FOXP2: variants seen among roughly 807,000 people sequenced by gnomAD.
FOXP2 encodes forkhead box P2, also known as forkhead box protein P2.
A neutral mutation model predicts 115.8 loss-of-function variants in FOXP2; 12 were observed. The ratio of observed to expected loss-of-function variants is 0.10; its 90% confidence interval spans 0.07 to 0.17. The LOEUF (loss-of-function observed/expected upper bound fraction) is 0.17, where lower values mean the gene tolerates loss of function less well. FOXP2 is among the 10% of genes least tolerant of loss of function. FOXP2 has a pLI of 1.00. For missense variants in FOXP2, 629 were observed against 843.5 expected (o/e 0.75, Z 3.15); for synonymous variants, 328 against 297.7 (o/e 1.10, Z -1.05).
chr7:114,315,560 T>C (rs904161483), intron 2 of FOXP2, among the ~76,000 whole-genome samples: 1 of 152,106 alleles, frequency 6.6e-6, no homozygotes, highest in Non-Finnish European at 1.5e-5. Flanking sequence ...TAAGTTTTTT[T>C]AGTTTTATTT....
chr7:114,405,936 C>T (rs1793026289), intron 2 of FOXP2, among the ~76,000 whole-genome samples: 1 of 151,666 alleles, frequency 6.6e-6, no homozygotes, highest in Non-Finnish European at 1.5e-5. Flanking sequence ...TTTGATAATG[C>T]TGACTTTTTT....
At position 114,597,505 on chromosome 7, in the gene FOXP2, A is replaced by G. The variant is rs1005151557; in HGVS notation, c.259-31035A>G. Among the ~76,000 whole-genome samples, 10 of 152,108 alleles carry G rather than the reference A, an allele frequency of 6.6e-5. 1 individual carries two copies. Among genetic ancestry groups the G allele is most frequent in the African/African-American group, 1.9e-4 (8 of 41,452 alleles). On this transcript the variant is annotated intron_variant, in intron 3 of 16. Transcript: ENST00000350908. The stretch of plus-strand genomic sequence containing the variant: ...ATTACAAACAGATAATCTTATGCAA[A>G]AGGATATGACATTCAGGCATCACCA...
At chr7:114,175,297 A>T (rs1793259653) in intron 1 of FOXP2, among the ~76,000 whole-genome samples, 1 of 152,114 alleles carries the variant, frequency 6.6e-6, no homozygotes, top group Non-Finnish European at 1.5e-5. Context: ...GGGACCAGGG[A>T]CTAAGTATTT....
chr7:114,377,084 T>C lies in FOXP2; in HGVS notation c.-10-49418T>C, dbSNP rs149699783. 3.0e-3 allele frequency among the ~76,000 whole-genome samples: 452 copies of C among 152,182 alleles called. 2 individuals are homozygous for C. The highest frequency in any genetic ancestry group is 0.01 in the African/African-American group (426 of 41,528). On this transcript the variant is annotated intron_variant, in intron 2 of 17. Transcript: ENST00000634411. ...CTATTGGTAATATTATTAAATAATA[T>C]TATTATTAATGGAGGAAGGAAAACC...
intron 3 of FOXP2, among the ~76,000 whole-genome samples, chr7:114,586,416 T>C (rs557145466): frequency 3.1e-4 from 47 of 152,078 alleles, no homozygotes; most frequent in Non-Finnish European, 6.3e-4. Context: ...TTTAGTAATT[T>C]TACTCTTCTA....
At position 114,399,754 on chromosome 7, in the gene FOXP2, C is replaced by T. The variant is rs560116141; in HGVS notation, c.-10-26748C>T. On this transcript the variant is annotated intron_variant, in intron 2 of 17. Coordinates refer to the FOXP2 transcript ENST00000634411. ...AAATAAATAATACTGTGTGTTAAAG[C>T]TAGTAAGGGGTATTGGGACAAAAAA... 9.9e-5 allele frequency among the ~76,000 whole-genome samples: 15 copies of T among 151,310 alleles called. No individual in the cohort carries two copies. The East Asian group carries it at 2.7e-3, about 27-fold the overall frequency.
In FOXP2 at chr7:114,658,221, C is replaced by A; in HGVS notation, c.1422C>A (p.Ala474=). 2 of 1,613,800 alleles carry A rather than the reference C, an allele frequency of 1.2e-6. No homozygotes were observed. The highest frequency in any genetic ancestry group is 8.5e-7 in the Non-Finnish European group (1 of 1,179,838). ...ITPASVPNVG[A]IRRRHSDKYN... is the part of the protein sequence containing the mutation. Reference sequence around the variant, plus strand: ...CAGCCAGTGTGCCCAATGTGGGAGCCATACGAAGGCGACATTCAGACAAAT... The same window carrying A: ...CAGCCAGTGTGCCCAATGTGGGAGCAATACGAAGGCGACATTCAGACAAAT... The change falls in exon 11 of 17, where the codon GCC becomes GCA. Residue 474 remains alanine, a synonymous_variant. Coordinates refer to ENST00000350908, the MANE Select transcript of FOXP2 (RefSeq NM_014491.4).
At chr7:114,534,733 G>T in intron 3 of FOXP2, 27 bp downstream of exon 3, 1 of 1,572,686 alleles carries the variant, frequency 6.4e-7, no homozygotes, top group Non-Finnish European at 8.7e-7. Flanking sequence ...TGTCCTTGGG[G>T]TCTTATTTTA....
chr7:114,087,525 C>T (rs1799444285), upstream of FOXP2, among the ~76,000 whole-genome samples: 1 of 151,828 alleles, frequency 6.6e-6, no homozygotes, highest in Admixed American at 6.6e-5. Context: ...GGGCTTCTCA[C>T]TTGGCTGTTA....
intron 2 of FOXP2, among the ~76,000 whole-genome samples, chr7:114,290,456 C>T (rs1405826460): frequency 1.3e-5 from 2 of 151,940 alleles, no homozygotes; most frequent in Admixed American, 6.6e-5. Flanking sequence ...TTAGTTAATT[C>T]AGTAGAAATA....
chr7:114,518,605 C>T (rs1312878136), intron 2 of FOXP2, among the ~76,000 whole-genome samples: 5 of 151,936 alleles, frequency 3.3e-5, no homozygotes, highest in Non-Finnish European at 5.9e-5. Context: ...CAGGTTCAAG[C>T]GATTCTCCTG....
intron 2 of FOXP2, among the ~76,000 whole-genome samples, chr7:114,405,432 A>T (rs995911734): frequency 6.6e-6 from 1 of 151,884 alleles, no homozygotes. Flanking sequence ...GTTCATGTAT[A>T]TTGGACCTGA....
rs143185211 is a variant in FOXP2, at chr7:114,497,762, G to A, written c.169-36855G>A. On this transcript the variant is annotated intron_variant, in intron 2 of 16. Transcript: ENST00000350908. ...CCAAGAGGTATTCATATATTTTACT[G>A]AAGACCACATGCTTTAAAGTATATT... 1.3e-3 allele frequency among the ~76,000 whole-genome samples: 193 copies of A among 152,100 alleles called. 1 individual carries two copies. Among genetic ancestry groups the A allele is most frequent in the African/African-American group, 4.4e-3 (184 of 41,540 alleles).
intron 1 of FOXP2, among the ~76,000 whole-genome samples, chr7:114,220,801 G>A (rs1042287889): frequency 6.6e-6 from 1 of 152,108 alleles, no homozygotes; most frequent in African/African-American, 2.4e-5. Flanking sequence ...GTGTATTAAT[G>A]TTCTTTACAT....
intron 3 of FOXP2, among the ~76,000 whole-genome samples, chr7:114,577,076 C>A (rs1007601908): frequency 6.6e-6 from 1 of 151,736 alleles, no homozygotes; most frequent in Non-Finnish European, 1.5e-5. Flanking sequence ...TTGTAATTTT[C>A]ATTAGGTGAG....
intron 3 of FOXP2, among the ~76,000 whole-genome samples, chr7:114,626,569 A>G (rs1804600749): frequency 1.3e-5 from 2 of 151,480 alleles, no homozygotes; most frequent in South Asian, 2.1e-4. Flanking sequence ...CTCTCTATAT[A>G]TATCCATGTA....
At chr7:114,393,977 TGA>T (rs1562901862) in intron 2 of FOXP2, among the ~76,000 whole-genome samples, 10 of 97,804 alleles carry the variant, frequency 1.0e-4, no homozygotes, top group African/African-American at 2.5e-4. Flanking sequence ...TGTGTGTGTG[TGA>T]GAGTGTGTGT....
chr7:114,298,645 G>A (rs1428762077), intron 2 of FOXP2, among the ~76,000 whole-genome samples: 1 of 152,178 alleles, frequency 6.6e-6, no homozygotes, highest in Non-Finnish European at 1.5e-5. Flanking sequence ...CCTGGTTACT[G>A]TGTGACAGAA....
intron 2 of FOXP2, among the ~76,000 whole-genome samples, chr7:114,396,834 G>A (rs1397087250): frequency 1.3e-5 from 2 of 151,968 alleles, no homozygotes; most frequent in African/African-American, 4.8e-5. Flanking sequence ...GAGTGAATGT[G>A]AAGTGATTTT....
Sources: allele counts gnomAD v4.1 joint callset (sites outside exome capture counted in the v4.1 genomes callset), GRCh38; gene constraint gnomAD v4.1.1; transcripts MANE v1.5; gene names NCBI Gene and HGNC (gene_info 2026-07-23, HGNC 2026-07-21).